Variants in PDSS2 observed in about 807,000 individuals in gnomAD.
The protein encoded by PDSS2 is decaprenyl diphosphate synthase subunit 2.
In PDSS2, 31 loss-of-function variants were observed where a neutral mutation model predicts 44.5. That is an observed-to-expected ratio of 0.70 (90% CI 0.52 to 0.94). The LOEUF is 0.94. Among genes scored for constraint, PDSS2 ranks in the 40% least tolerant of loss-of-function variants. The probability of loss-of-function intolerance (pLI) is 0.00; values close to 1 mark genes in which losing one functional copy is unlikely to be tolerated. For synonymous variants in PDSS2, 157 were observed against 180.3 expected (o/e 0.87, Z 1.03); for missense variants, 452 against 482.2 (o/e 0.94, Z 0.59).
chr6:107,341,374 T>C (rs751835340), intron 1 of PDSS2, among the ~76,000 whole-genome samples: 5 of 152,120 alleles, frequency 3.3e-5, no homozygotes, highest in African/African-American at 7.2e-5. Context: ...TAATGAGGAA[T>C]GAATGAGTTC....
chr6:107,351,424 T>G (rs950692172), intron 1 of PDSS2, among the ~76,000 whole-genome samples: 5 of 152,210 alleles, frequency 3.3e-5, no homozygotes, highest in African/African-American at 1.2e-4. Context: ...TATTTTGTTT[T>G]TATTATTTGT....
intron 4 of PDSS2, chr6:107,230,293 C>T (rs1562393626): frequency 6.6e-6 from 1 of 151,968 alleles, no homozygotes; most frequent in South Asian, 2.1e-4. Flanking sequence ...AGTACCAAAC[C>T]TTTGCCCTCT....
intron 7 of PDSS2, among the ~76,000 whole-genome samples, chr6:107,174,618 A>G (rs1485210240): frequency 6.6e-6 from 1 of 152,198 alleles, no homozygotes; most frequent in Non-Finnish European, 1.5e-5. Flanking sequence ...TTTCTAATAC[A>G]ATAAACTGTG....
At chr6:107,205,810 C>T (rs1397113882) in intron 6 of PDSS2, among the ~76,000 whole-genome samples, 1 of 152,134 alleles carries the variant, frequency 6.6e-6, no homozygotes, top group Non-Finnish European at 1.5e-5. Context: ...GGTGGCACAG[C>T]CTGATAAGGA....
intron 1 of PDSS2, among the ~76,000 whole-genome samples, chr6:107,374,019 C>T (rs1309271550): frequency 6.6e-6 from 1 of 151,962 alleles, no homozygotes; most frequent in East Asian, 1.9e-4. Context: ...TTTGGGAGGC[C>T]GAGGCACGGC....
At chr6:107,172,623 G>A (rs968692573) in intron 7 of PDSS2, among the ~76,000 whole-genome samples, 13 of 152,056 alleles carry the variant, frequency 8.5e-5, no homozygotes, top group African/African-American at 3.1e-4. Context: ...ACAGACCAGT[G>A]AATTTATGGA....
chr6:107,283,182 A>G (rs1309989294), intron 2 of PDSS2, among the ~76,000 whole-genome samples: 3 of 151,578 alleles, frequency 2.0e-5, no homozygotes, highest in African/African-American at 4.8e-5. Flanking sequence ...AAAATTAGCC[A>G]GGTATGGTGG....
Position 107,450,928 on chromosome 6 carries a change from T to C in PDSS2, c.296+8062A>G, listed in dbSNP as rs141775645. On this transcript the variant is annotated intron_variant, in intron 1 of 7. Coordinates refer to ENST00000369037, the MANE Select transcript of PDSS2 (RefSeq NM_020381.4). Reference sequence around the variant, plus strand: ...TCACTGCAGCCTCCAACTTCCGCGCTCAAGTGATCCTCTTACCTCAACCTC... The same window carrying C: ...TCACTGCAGCCTCCAACTTCCGCGCCCAAGTGATCCTCTTACCTCAACCTC... Among the ~76,000 whole-genome samples, 9 of 152,294 alleles carry C rather than the reference T, an allele frequency of 5.9e-5. No homozygotes were observed. In the East Asian group the frequency reaches 1.7e-3, roughly 29 times the overall value.
intron 1 of PDSS2, among the ~76,000 whole-genome samples, chr6:107,336,825 G>GGTGTGTGTGT (rs370135734): frequency 1.7e-4 from 18 of 106,468 alleles, no homozygotes; most frequent in African/African-American, 5.6e-4. Context: ...AGAGGTGTGT[G>GGTGTGTGTGT]GTGTGTGTGT....
Position 107,235,079 on chromosome 6 carries a change from T to C in PDSS2, c.702+10469A>G, listed in dbSNP as rs191578350. Among the ~76,000 whole-genome samples the C allele has an allele frequency of 6.6e-5, 10 of 152,316 alleles. No homozygotes were observed. The South Asian group carries it at 1.2e-3, about 19-fold the overall frequency. On this transcript the variant is annotated intron_variant, in intron 4 of 7. Transcript: ENST00000369037. ...TGGGAAATAAATGAGATGAGTTTCA[T>C]AATTGTTCTAGCTTCTGCCTGGAGA...
chr6:107,170,607 C>A (rs1228995347), intron 7 of PDSS2, among the ~76,000 whole-genome samples: 2 of 27,534 alleles, frequency 7.3e-5, no homozygotes, highest in African/African-American at 3.9e-4. Context: ...CTTGGAACCA[C>A]CCCCCCCCCC....
intron 4 of PDSS2, among the ~76,000 whole-genome samples, chr6:107,217,619 T>C (rs1344586949): frequency 1.3e-5 from 2 of 152,026 alleles, no homozygotes; most frequent in South Asian, 2.1e-4. Flanking sequence ...CTCTCAAATA[T>C]GGCTGGTGGA....
At chr6:107,388,938 T>G (rs1779697362) in intron 1 of PDSS2, among the ~76,000 whole-genome samples, 1 of 152,206 alleles carries the variant, frequency 6.6e-6, no homozygotes, top group Admixed American at 6.5e-5. Flanking sequence ...AAATGCATTT[T>G]GCTAAGTGAA....
intron 2 of PDSS2, among the ~76,000 whole-genome samples, chr6:107,311,534 T>G (rs1777047196): frequency 1.3e-5 from 2 of 152,026 alleles, no homozygotes; most frequent in African/African-American, 2.4e-5. Context: ...TAATATTTTG[T>G]TTTTTTCTCC....
At chr6:107,379,158 A>G (rs910878010) in intron 1 of PDSS2, among the ~76,000 whole-genome samples, 2 of 152,150 alleles carry the variant, frequency 1.3e-5, no homozygotes, top group Non-Finnish European at 2.9e-5. Flanking sequence ...TCTTCTCTTT[A>G]TTATTTATTC....
intron 1 of PDSS2, among the ~76,000 whole-genome samples, chr6:107,389,718 C>T (rs1033429674): frequency 3.9e-5 from 6 of 152,262 alleles, no homozygotes; most frequent in Admixed American, 6.5e-5. Context: ...CATTTCCTTG[C>T]TCTGTCTGTG....
chr6:107,332,184 A>T (rs1199173973), intron 2 of PDSS2, among the ~76,000 whole-genome samples: 1 of 151,786 alleles, frequency 6.6e-6, no homozygotes, highest in African/African-American at 2.4e-5. Flanking sequence ...AGCTCACTGC[A>T]ACCTCTGACT....
chr6:107,402,479 C>CATATATATACGTATATATATGTATACAT lies in PDSS2; in HGVS notation c.296+56510_296+56511insATGTATACATATATATACGTATATATAT, dbSNP rs35496296. ...ATATATATACGTATATATATGTATA[C>CATATATATACGTATATATATGTATACAT]ATATATACGTATATATGTATACATA... On this transcript the variant is annotated intron_variant, in intron 1 of 7. Coordinates refer to ENST00000369037, the MANE Select transcript of PDSS2 (RefSeq NM_020381.4). 6.9e-3 allele frequency among the ~76,000 whole-genome samples: 297 copies of CATATATATACGTATATATATGTATACAT among 43,200 alleles called. 1 individual carries two copies. The highest frequency in any genetic ancestry group is 0.032 in the East Asian group (18 of 562). 28.3% of individuals were successfully genotyped at this position (43,200 alleles called of 152,430 possible).
At chr6:107,370,576 C>T (rs966222290) in intron 1 of PDSS2, among the ~76,000 whole-genome samples, 8 of 152,198 alleles carry the variant, frequency 5.3e-5, no homozygotes, top group Middle Eastern at 3.4e-3. Flanking sequence ...TTAAGCATAA[C>T]GAGTGTATTT....
Sources: allele counts gnomAD v4.1 joint callset (sites outside exome capture counted in the v4.1 genomes callset), GRCh38; gene constraint gnomAD v4.1.1; transcripts MANE v1.5; gene names NCBI Gene and HGNC (gene_info 2026-07-23, HGNC 2026-07-21).